The following ARHGAP44 variants were observed in gnomAD, a reference collection of about 807,000 sequenced individuals.
ARHGAP44 encodes rho GTPase-activating protein 44.
ARHGAP44 carries 43 observed loss-of-function variants against 106.8 expected under a neutral mutation model. The ratio of observed to expected loss-of-function variants is 0.40; its 90% CI spans 0.32 to 0.52. The LOEUF (loss-of-function observed/expected upper bound fraction) is 0.52, where lower values mean the gene tolerates loss of function less well. Ranked by LOEUF, ARHGAP44 falls within the 20% of genes least tolerant of loss-of-function variation. The pLI, the probability that ARHGAP44 is intolerant of heterozygous loss-of-function variation, is 0.48. For missense variants in ARHGAP44, 866 were observed against 1,050.5 expected (o/e 0.82, Z 2.43); for synonymous variants, 439 against 410.3 (o/e 1.07, Z -0.85).
At chr17:12,987,811 C>T (rs188260627) in intron 20 of ARHGAP44, 1 of 152,230 alleles carries the variant, frequency 6.6e-6, no homozygotes, top group East Asian at 1.9e-4. Context: ...TCCTTTCTAT[C>T]CAACTCAATA....
intron 6 of ARHGAP44, among the ~76,000 whole-genome samples, chr17:12,921,442 C>A (rs572866977): frequency 5.3e-5 from 8 of 152,268 alleles, no homozygotes; most frequent in African/African-American, 1.9e-4. Context: ...AACTCTTGGG[C>A]TCAAGCAATC....
chr17:12,892,984 G>GA (rs1555552064), intron 1 of ARHGAP44, among the ~76,000 whole-genome samples: 1 of 148,888 alleles, frequency 6.7e-6, no homozygotes, highest in Non-Finnish European at 1.5e-5. Context: ...TTCAGTTTGA[G>GA]TTTTTTTTTC....
At chr17:12,807,173 C>T (rs1018975469) in intron 1 of ARHGAP44, among the ~76,000 whole-genome samples, 1 of 152,194 alleles carries the variant, frequency 6.6e-6, no homozygotes, top group African/African-American at 2.4e-5. Context: ...TGCATTAATA[C>T]ACATAAAGTG....
At chr17:12,792,005 G>A (rs1235777947) in intron 1 of ARHGAP44, among the ~76,000 whole-genome samples, 1 of 152,168 alleles carries the variant, frequency 6.6e-6, no homozygotes, top group Non-Finnish European at 1.5e-5. Flanking sequence ...TCTTGCCAGG[G>A]TTCTACAGGA....
chr17:12,851,308 A>G (rs1268736227), intron 1 of ARHGAP44, among the ~76,000 whole-genome samples: 1 of 152,178 alleles, frequency 6.6e-6, no homozygotes, highest in Non-Finnish European at 1.5e-5. Context: ...ACAGCTGTAA[A>G]CCAAATAGAA....
At position 12,949,381 on chromosome 17, in the gene ARHGAP44, A is replaced by G. The variant is rs1183843766; in HGVS notation, c.973+130A>G. On this transcript the variant is annotated intron_variant, in intron 11 of 20. Coordinates refer to ENST00000379672, the MANE Select transcript of ARHGAP44 (RefSeq NM_014859.6). The surrounding 1 kb of genome is among the most constrained non-coding windows in gnomAD (Gnocchi z 4.1). Reference sequence around the variant, plus strand: ...CAAAGCACTTCAGATGTGTCCACTCAGTGCCCAGTTTCAGGGCTGGGTGCT... The same window carrying G: ...CAAAGCACTTCAGATGTGTCCACTCGGTGCCCAGTTTCAGGGCTGGGTGCT... 1 of 1,027,172 alleles carries G rather than the reference A, an allele frequency of 9.7e-7. No homozygotes were observed. The highest frequency in any genetic ancestry group is 1.4e-6 in the Non-Finnish European group (1 of 704,838). The allele number at this position is 1,027,172 out of a possible 1,614,324, so 63.6% of individuals were successfully genotyped here.
intron 18 of ARHGAP44, among the ~76,000 whole-genome samples, chr17:12,978,180 A>G (rs2039743491): frequency 6.6e-6 from 1 of 152,060 alleles, no homozygotes; most frequent in African/African-American, 2.4e-5. Flanking sequence ...TTTGCTGATT[A>G]TGAGATGTTT....
intron 12 of ARHGAP44, among the ~76,000 whole-genome samples, chr17:12,950,051 A>G (rs2038955796): frequency 6.6e-6 from 1 of 152,252 alleles, no homozygotes; most frequent in South Asian, 2.1e-4. Flanking sequence ...GCTAACATAA[A>G]TAGATAATGA....
chr17:12,902,224 C>T (rs1158057121), intron 3 of ARHGAP44, among the ~76,000 whole-genome samples: 1 of 152,134 alleles, frequency 6.6e-6, no homozygotes, highest in Non-Finnish European at 1.5e-5. Flanking sequence ...CATCATTCTT[C>T]AGCTGTGCTC....
intron 1 of ARHGAP44, among the ~76,000 whole-genome samples, chr17:12,837,491 A>G (rs192644147): frequency 7.9e-5 from 12 of 152,334 alleles, no homozygotes; most frequent in African/African-American, 2.6e-4. Context: ...GCAAGATGCT[A>G]GGACAAATGA....
At chr17:12,854,490 T>A (rs1272791234) in intron 1 of ARHGAP44, among the ~76,000 whole-genome samples, 1 of 152,184 alleles carries the variant, frequency 6.6e-6, no homozygotes, top group Non-Finnish European at 1.5e-5. Flanking sequence ...TGGAAACAAA[T>A]GTCCACTGGA....
At chr17:12,812,595 G>A (rs1036009946) in intron 1 of ARHGAP44, among the ~76,000 whole-genome samples, 1 of 152,132 alleles carries the variant, frequency 6.6e-6, no homozygotes, top group Non-Finnish European at 1.5e-5. Flanking sequence ...GGGGAACAGA[G>A]CAAGATGCTC....
chr17:12,963,673 G>A (rs1428524944), intron 16 of ARHGAP44, among the ~76,000 whole-genome samples: 2 of 152,058 alleles, frequency 1.3e-5, no homozygotes, highest in African/African-American at 4.8e-5. Flanking sequence ...CACCAGTGCC[G>A]TGTGAGCAGA....
At chr17:12,951,891 ATTGGG>A (rs1002953631) in intron 12 of ARHGAP44, among the ~76,000 whole-genome samples, 5 of 152,144 alleles carry the variant, frequency 3.3e-5, no homozygotes, top group African/African-American at 1.2e-4. Context: ...TCCCAAGGCT[ATTGGG>A]TTGATAACCT....
At position 12,952,728 on chromosome 17, in the gene ARHGAP44, T is replaced by C. The variant is rs2039023951; in HGVS notation, c.1136+147T>C. The C allele has an allele frequency of 1.1e-4, 15 of 134,628 alleles. No homozygotes were observed. The East Asian group carries it at 2.4e-3, about 22-fold the overall frequency. The allele number at this position is 134,628 out of a possible 1,614,324, so 8.3% of individuals were successfully genotyped here. On this transcript the variant is annotated intron_variant, in intron 13 of 20. Coordinates refer to ENST00000379672, the MANE Select transcript of ARHGAP44 (RefSeq NM_014859.6). ...TTATTAACATGCATGGTCTCTTTTTTTTTTTTTTTTTTTTTTTTTTTTTGA... is the reference window on the plus strand; with the variant it reads ...TTATTAACATGCATGGTCTCTTTTTCTTTTTTTTTTTTTTTTTTTTTTTGA...
intron 4 of ARHGAP44, among the ~76,000 whole-genome samples, chr17:12,909,701 G>A (rs2037667663): frequency 6.6e-6 from 1 of 152,154 alleles, no homozygotes; most frequent in Non-Finnish European, 1.5e-5. Context: ...AAACATGGGT[G>A]ATAGAATGCA....
intron 1 of ARHGAP44, among the ~76,000 whole-genome samples, chr17:12,803,814 G>A (rs2034192148): frequency 6.6e-6 from 1 of 151,810 alleles, no homozygotes; most frequent in Non-Finnish European, 1.5e-5. Context: ...GTTCTGTGGG[G>A]AAAAAAATCC....
At chr17:12,911,967 G>A (rs577616750) in intron 4 of ARHGAP44, among the ~76,000 whole-genome samples, 71 of 152,168 alleles carry the variant, frequency 4.7e-4, no homozygotes, top group Non-Finnish European at 9.3e-4. Flanking sequence ...AATAAGTGAC[G>A]CAACCACGTC....
At chr17:12,808,495 G>A (rs548270526) in intron 1 of ARHGAP44, among the ~76,000 whole-genome samples, 23 of 152,292 alleles carry the variant, frequency 1.5e-4, no homozygotes, top group African/African-American at 2.9e-4. Flanking sequence ...GTGCACCCAC[G>A]GGCTCAATAC....
Sources: gnomAD v4.1 joint callset for allele counts (sites outside exome capture counted in the v4.1 genomes callset) on GRCh38, gnomAD v4.1.1 for gene constraint, Gnocchi (gnomAD v3.1) non-coding constraint, MANE v1.5 for transcripts, NCBI Gene and HGNC (gene_info 2026-07-23, HGNC 2026-07-21) for gene names.